MARF1: variants seen among roughly 807,000 people sequenced by gnomAD.
MARF1 encodes limkain-b1.
MARF1 carries 24 observed loss-of-function variants against 168.2 expected under a neutral mutation model. The ratio of observed to expected loss-of-function variants is 0.14; its 90% confidence interval spans 0.10 to 0.20. The LOEUF is 0.20. Ranked by LOEUF, MARF1 falls within the 10% of genes least tolerant of loss-of-function variation. The pLI is 1.00. For synonymous variants in MARF1, 868 were observed against 822.4 expected (o/e 1.06, Z -0.95); for missense variants, 1,744 against 2,143.6 (o/e 0.81, Z 3.68).
At position 15,630,482 on chromosome 16, in the gene MARF1, T is replaced by A; in HGVS notation, c.1374A>T (p.Glu458Asp). Residue 458 changes from glutamate (E) to aspartate (D), a missense_variant, in exon 7 of 27, where the codon GAA (glutamate) becomes GAT (aspartate). By Grantham distance (45) the Glu-to-Asp change is conservative. Transcript: ENST00000396368. ...LVSTDVNFAL[E>D]LSDLRHRHGF... ...CATGCCTGTGTCTCAGGTCACTAAG[T>A]TCCAATGCAAAATTGACATCAGCTG... 6.2e-7 allele frequency: 1 copy of A among 1,613,272 alleles called. No individual in the cohort carries two copies. Among genetic ancestry groups the A allele is most frequent in the East Asian group, 2.2e-5 (1 of 44,858 alleles).
intron 5 of MARF1, among the ~76,000 whole-genome samples, chr16:15,632,007 G>C (rs551515652): frequency 1.5e-3 from 229 of 152,174 alleles, no homozygotes; most frequent in Non-Finnish European, 2.6e-3. Context: ...ACTGATGTCT[G>C]CCCATATTTT....
chr16:15,635,030 C>T (rs2035492358), intron 3 of MARF1, 99 bp from the exon 4 acceptor site: 2 of 979,608 alleles, frequency 2.0e-6, no homozygotes, highest in Admixed American at 5.3e-5. Context: ...AAGTGTTTTA[C>T]CTTTCCACTT....
intron 17 of MARF1, 86 bp from the exon 18 acceptor site, chr16:15,611,820 C>G: frequency 8.9e-7 from 1 of 1,127,464 alleles, no homozygotes; most frequent in Non-Finnish European, 1.3e-6. Context: ...CGTTACTAGC[C>G]TCAGAGCATG....
intron 21 of MARF1, 24 bp downstream of exon 21, chr16:15,608,267 A>G (rs1421484435): frequency 7.4e-7 from 1 of 1,346,134 alleles, no homozygotes; most frequent in Non-Finnish European, 1.0e-6. Context: ...AGGGAAAAAA[A>G]AAAAAAAAAA....
In MARF1 at chr16:15,643,076, C is replaced by T. The variant is rs938360242; in HGVS notation, c.-117G>A. 7 of 297,870 alleles carry T rather than the reference C, an allele frequency of 2.4e-5. No homozygotes were observed. Among genetic ancestry groups the T allele is most frequent in the Admixed American group, 5.6e-5 (1 of 17,876 alleles). The allele number at this position is 297,870 out of a possible 1,614,324, so 18.5% of individuals were successfully genotyped here. ...GGCCCCGCCGCCTTCCCCCCGCCCCCCCCAGGCCCTTTGTTTTGATTCCCG... is the reference window on the plus strand; with the variant it reads ...GGCCCCGCCGCCTTCCCCCCGCCCCTCCCAGGCCCTTTGTTTTGATTCCCG... On this transcript the variant is annotated 5_prime_UTR_variant, in exon 1 of 27. Coordinates refer to ENST00000396368, the MANE Select transcript of MARF1 (RefSeq NM_014647.4).
chr16:15,614,561 G>A (rs1357191199), intron 16 of MARF1, among the ~76,000 whole-genome samples: 2 of 150,340 alleles, frequency 1.3e-5, no homozygotes, highest in Non-Finnish European at 3.0e-5. Flanking sequence ...TGAGGCGGGC[G>A]GATCATGAGG....
chr16:15,603,624 C>A (rs1333410092), intron 22 of MARF1, among the ~76,000 whole-genome samples: 3 of 152,092 alleles, frequency 2.0e-5, no homozygotes, highest in Non-Finnish European at 4.4e-5. Context: ...TAATTTTTAA[C>A]TTCTTGAGTG....
At position 15,598,995 on chromosome 16, in the gene MARF1, G is replaced by A. The variant is rs753760282; in HGVS notation, c.4843C>T (p.Arg1615Cys). 1.6e-5 allele frequency: 26 copies of A among 1,610,856 alleles called. No individual in the cohort carries two copies. The highest frequency in any genetic ancestry group is 1.7e-4 in the Middle Eastern group (1 of 6,040). Reference protein sequence around the residue: ...GPSHTEQELLRLTDDSPVDLL... With the variant: ...GPSHTEQELLCLTDDSPVDLL... ...TCGACGGGGGAGTCGTCGGTCAGGC[G>A]GAGAAGCTCCTGCTCTGTGTGACTG... Residue 1615 changes from arginine (R) to cysteine (C), a missense_variant, in exon 26 of 27, where the codon CGC becomes TGC. Around this residue, in one of 7 missense-constraint regions of MARF1, gnomAD observed 313 missense variants for 337.4 expected, o/e 0.93. Coordinates refer to ENST00000396368, the MANE Select transcript of MARF1 (RefSeq NM_014647.4).
At chr16:15,607,527 C>T (rs1235710101) in intron 21 of MARF1, among the ~76,000 whole-genome samples, 1 of 152,086 alleles carries the variant, frequency 6.6e-6, no homozygotes, top group Non-Finnish European at 1.5e-5. Flanking sequence ...CTAGCCTGGG[C>T]CACAGAGCAA....
chr16:15,621,068 T>C (rs1323234421), intron 12 of MARF1, among the ~76,000 whole-genome samples: 1 of 152,028 alleles, frequency 6.6e-6, no homozygotes, highest in Non-Finnish European at 1.5e-5. Context: ...TTCCAAATTT[T>C]CTTCAATAAG....
At position 15,636,335 on chromosome 16, in the gene MARF1, T is replaced by G. The variant is rs775188032; in HGVS notation, c.152A>C (p.Tyr51Ser). The stretch of plus-strand genomic sequence containing the variant: ...CACAGCAACTTTCTTGTTCTCCATG[T>G]ACTCTTTCTGAGAAAAGAAAATCAG... ...TLPHSPQTKE[Y>S]MENKKVAVEL... The change falls in exon 3 of 27, where the codon TAC becomes TCC. Residue 51 changes from tyrosine to serine, a missense_variant. Around this residue, in one of 7 missense-constraint regions of MARF1, gnomAD observed 318 missense variants for 336.6 expected, o/e 0.94. Coordinates refer to ENST00000396368, the MANE Select transcript of MARF1 (RefSeq NM_014647.4). The G allele has an allele frequency of 6.5e-7, 1 of 1,539,778 alleles. No homozygotes were observed. The highest frequency in any genetic ancestry group is 2.3e-5 in the East Asian group (1 of 44,100).
chr16:15,624,636 G>T, intron 10 of MARF1, 133 bp downstream of exon 10: 1 of 782,480 alleles, frequency 1.3e-6, no homozygotes, highest in Non-Finnish European at 2.1e-6. Flanking sequence ...AGGAGAGGGG[G>T]ACTGGCAGAA....
At chr16:15,606,685 C>G (rs1367593679) in intron 21 of MARF1, among the ~76,000 whole-genome samples, 1 of 152,182 alleles carries the variant, frequency 6.6e-6, no homozygotes, top group Non-Finnish European at 1.5e-5. Context: ...CCTCCTTCCT[C>G]TGTGTGCTGT....
rs774762133 is a variant in MARF1 at position 15,631,334 on chromosome 16, C to T, written c.1351+47G>A. The T allele has an allele frequency of 1.9e-5, 25 of 1,310,456 alleles. No homozygotes were observed. The South Asian group carries it at 2.9e-4, about 15-fold the overall frequency. 81.2% of individuals were successfully genotyped at this position (1,310,456 alleles called of 1,614,324 possible). A position where few individuals can be genotyped will look rare whatever the true frequency, so the allele number is the denominator to read the frequency against. ...ATGTTGCTGGCTTCTATGATAATTTCCCACACAGTGAGTTTAGCTGAAATT... is the reference window on the plus strand; with the variant it reads ...ATGTTGCTGGCTTCTATGATAATTTTCCACACAGTGAGTTTAGCTGAAATT... On this transcript the variant is annotated intron_variant, in intron 6 of 26. Coordinates refer to ENST00000396368, the MANE Select transcript of MARF1 (RefSeq NM_014647.4).
At position 15,639,093 on chromosome 16, in the gene MARF1, T is replaced by C. The variant is rs547953458; in HGVS notation, c.141A>G (p.Gln47=). The change falls in exon 2 of 27, where the codon CAA becomes CAG. Residue 47 remains glutamine, a synonymous_variant. Coordinates refer to ENST00000396368, the MANE Select transcript of MARF1 (RefSeq NM_014647.4). ...CCTTAGTCTTGCATATAGTTACCGT[T>C]TGGGGACTATGTGGCAGCGTCTGCT... ...RPEQTLPHSP[Q]TKEYMENKKV... is the part of the protein sequence containing the mutation. 1.2e-6 allele frequency: 2 copies of C among 1,613,524 alleles called. No homozygotes were observed. The highest frequency in any genetic ancestry group is 1.3e-5 in the African/African-American group (1 of 75,020).
chr16:15,633,913 ACTAC>A, intron 4 of MARF1, 70 bp from the exon 5 acceptor site: 1 of 1,255,908 alleles, frequency 8.0e-7, no homozygotes, highest in Non-Finnish European at 1.1e-6. Context: ...AAGATAATAA[ACTAC>A]CTATCATTCT....
At chr16:15,612,937 C>CA (rs1297417128) in intron 16 of MARF1, among the ~76,000 whole-genome samples, 160 bp from the exon 17 acceptor site, 1 of 152,302 alleles carries the variant, frequency 6.6e-6, no homozygotes, top group Admixed American at 6.5e-5. Flanking sequence ...ATTCAGGTCT[C>CA]ATAGTCCAAT....
intron 12 of MARF1, among the ~76,000 whole-genome samples, 182 bp from the exon 13 acceptor site, chr16:15,620,713 G>T (rs1247742955): frequency 6.6e-6 from 1 of 152,160 alleles, no homozygotes; most frequent in Non-Finnish European, 1.5e-5. Context: ...AATGAAAGAA[G>T]ATTACGTTAC....
intron 21 of MARF1, among the ~76,000 whole-genome samples, chr16:15,607,131 T>C (rs987398543): frequency 2.0e-5 from 3 of 152,114 alleles, no homozygotes; most frequent in African/African-American, 4.8e-5. Context: ...GATGTTCGGC[T>C]CTCCTGGTTG....
Sources: gnomAD v4.1 joint callset for allele counts (sites outside exome capture counted in the v4.1 genomes callset) on GRCh38, gnomAD v4.1.1 for gene constraint, gnomAD v4.1.1 regional missense constraint, MANE v1.5 for transcripts, NCBI Gene and HGNC (gene_info 2026-07-23, HGNC 2026-07-21) for gene names.